The following RASAL3 variants were observed in gnomAD, a reference collection of about 807,000 sequenced individuals.
The protein encoded by RASAL3 is RAS protein activator like 3.
RASAL3 carries 74 observed loss-of-function variants against 105.5 expected under a neutral mutation model. The observed-to-expected ratio is 0.70, with a 90% confidence interval of 0.58 to 0.85. RASAL3 has a LOEUF of 0.85. Among genes scored for constraint, RASAL3 ranks in the 40% least tolerant of loss-of-function variants. The pLI, the probability that RASAL3 is intolerant of heterozygous loss-of-function variation, is 0.00. For synonymous variants in RASAL3, 579 were observed against 591.6 expected, an observed-to-expected ratio of 0.98 and a Z score of 0.31; for missense variants, 1,352 against 1,392.0, an observed-to-expected ratio of 0.97 and a Z score of 0.46.
intron 2 of RASAL3, among the ~76,000 whole-genome samples, chr19:15,463,795 T>G (rs1970583698): frequency 6.6e-6 from 1 of 151,704 alleles, no homozygotes; most frequent in Non-Finnish European, 1.5e-5. Context: ...TATCACGGGT[T>G]TACATTCACT....
rs1277547937 is a variant in RASAL3 at position 15,456,739 on chromosome 19, C to T, written c.1432-93G>A. ...TGGTCCCTCACACCAGAGGCACAGG[C>T]CCCGCCCCTTGTAGCTGATGCTTAG... On this transcript the variant is annotated intron_variant, in intron 9 of 17. Transcript: ENST00000343625. The surrounding 1 kb of genome is among the most constrained non-coding windows in gnomAD (Gnocchi z 4.4). 1.3e-5 allele frequency: 19 copies of T among 1,444,870 alleles called. No homozygotes were observed. The highest frequency in any genetic ancestry group is 1.8e-5 in the Non-Finnish European group (19 of 1,067,328). The allele number at this position is 1,444,870 out of a possible 1,614,324, so 89.5% of individuals were successfully genotyped here. A position where few individuals can be genotyped will look rare whatever the true frequency, so the allele number is the denominator to read the frequency against.
Position 15,457,913 on chromosome 19 carries a change from G to T in RASAL3, c.889-79C>A. On this transcript the variant is annotated intron_variant, in intron 8 of 17. Transcript: ENST00000343625. The surrounding 1 kb of genome is among the most constrained non-coding windows in gnomAD (Gnocchi z 8.6). ...GAAGGCACCGCAAGTGAAGCGTGGAGCCTCAAACCTGTTGCGTCGGGTCCC... is the reference window on the plus strand; with the variant it reads ...GAAGGCACCGCAAGTGAAGCGTGGATCCTCAAACCTGTTGCGTCGGGTCCC... 1 of 1,487,120 alleles carries T rather than the reference G, an allele frequency of 6.7e-7. No homozygotes were observed. The highest frequency in any genetic ancestry group is 9.1e-7 in the Non-Finnish European group (1 of 1,099,002). The allele number at this position is 1,487,120 out of a possible 1,614,324, so 92.1% of individuals were successfully genotyped here.
In RASAL3 at chr19:15,453,169, G is replaced by A. The variant is rs1453449008; in HGVS notation, c.2608C>T (p.Arg870Cys). ...LPRKPSVPWQ[R>C]QMDQPQDRNQ... ...CGGTCTTGCGGCTGGTCCATTTGGC[G>A]CTGCCAGGGTACCGACGGCTTCCGA... Residue 870 changes from arginine to cysteine, a missense_variant, in exon 15 of 18, where the codon CGC becomes TGC. Around this residue, in one of 3 missense-constraint regions of RASAL3, gnomAD observed 920 missense variants for 919.6 expected, o/e 1.00. Transcript: ENST00000343625. The surrounding 1 kb of genome is among the most constrained non-coding windows in gnomAD (Gnocchi z 4.2). The A allele has an allele frequency of 1.2e-6, 2 of 1,613,116 alleles. No homozygotes were observed. The highest frequency in any genetic ancestry group is 2.2e-5 in the South Asian group (2 of 91,042).
chr19:15,454,700 T>C lies in RASAL3; in HGVS notation c.1915A>G (p.Thr639Ala), dbSNP rs1208090297. The C allele has an allele frequency of 6.2e-7, 1 of 1,611,364 alleles. No homozygotes were observed. ...HPAPGPARTL[T>A]LIAKVIQNLA... ...TTCTGGATGACCTTGGCAATCAGTG[T>C]GAGGGTGCGGGCTGGGCCGGGTGCT... Residue 639 changes from threonine (T) to alanine (A), a missense_variant, in exon 12 of 18, where the codon ACA becomes GCA. This residue lies in a region of RASAL3 where 920 missense variants were observed against 919.6 expected (regional missense o/e 1.00). Transcript: ENST00000343625.
In RASAL3 at chr19:15,461,452, C is replaced by T. The variant is rs1970507157; in HGVS notation, c.465+19G>A. 1 of 1,545,012 alleles carries T rather than the reference C, an allele frequency of 6.5e-7. No individual in the cohort carries two copies. Among genetic ancestry groups the T allele is most frequent in the Non-Finnish European group, 8.7e-7 (1 of 1,143,052 alleles). ...TTTTCTTTCTTCCCTCCTCCCCTTT[C>T]CCAGGTGCCCCCTCTCACCTCCTCC... On this transcript the variant is annotated intron_variant, in intron 3 of 17. Transcript: ENST00000343625.
At position 15,454,492 on chromosome 19, in the gene RASAL3, A is replaced by G; in HGVS notation, c.2029T>C (p.Cys677Arg). 1.2e-6 allele frequency: 2 copies of G among 1,613,986 alleles called. No homozygotes were observed. The highest frequency in any genetic ancestry group is 1.7e-6 in the Non-Finnish European group (2 of 1,179,880). The change falls in exon 13 of 18, where the codon TGC becomes CGC. Residue 677 changes from cysteine to arginine, a missense_variant. Physicochemically the swap from Cys to Arg is radical, Grantham distance 180. This residue lies in a region of RASAL3 where 920 missense variants were observed against 919.6 expected (regional missense o/e 1.00). Transcript: ENST00000343625. Reference sequence around the variant, plus strand: ...ACCATGGCTACCTGGTCCAGGAAGCATTGCATGGCTGGTCCATGTTCCTCC... The same window carrying G: ...ACCATGGCTACCTGGTCCAGGAAGCGTTGCATGGCTGGTCCATGTTCCTCC... Reference protein sequence around the residue: ...FLEEHGPAMQCFLDQVAMVDV... With the variant: ...FLEEHGPAMQRFLDQVAMVDV...
At chr19:15,463,929 C>CT in intron 2 of RASAL3, 102 bp downstream of exon 2, 6 of 1,163,770 alleles carry the variant, frequency 5.2e-6, no homozygotes, top group Non-Finnish European at 7.1e-6. Flanking sequence ...TTGCACTCCC[C>CT]ACAACTTCCT....
At chr19:15,455,431 A>G (rs990198778) in intron 11 of RASAL3, among the ~76,000 whole-genome samples, 5 of 152,158 alleles carry the variant, frequency 3.3e-5, no homozygotes, top group African/African-American at 4.8e-5. Flanking sequence ...GCCAGGGATC[A>G]TGGACTTGGG....
At chr19:15,459,756 C>T (rs779784595) in intron 6 of RASAL3, among the ~76,000 whole-genome samples, 4 of 152,052 alleles carry the variant, frequency 2.6e-5, no homozygotes, top group African/African-American at 4.8e-5. Flanking sequence ...AGGCTGGTCT[C>T]GAACTCCTAG....
intron 17 of RASAL3, 42 bp from the exon 18 acceptor site, chr19:15,451,980 G>A: frequency 1.9e-6 from 3 of 1,613,606 alleles, no homozygotes; most frequent in South Asian, 2.2e-5. Flanking sequence ...CCAGGAGAGG[G>A]CTGCACCGCA....
At chr19:15,452,961 CTG>C in intron 15 of RASAL3, 144 bp downstream of exon 15, 1 of 1,472,746 alleles carries the variant, frequency 6.8e-7, no homozygotes, top group South Asian at 1.2e-5. Context: ...GCTGGGGAGA[CTG>C]AAGCTCAGAG....
intron 6 of RASAL3, among the ~76,000 whole-genome samples, chr19:15,459,604 C>T (rs1423520997): frequency 1.3e-5 from 2 of 152,040 alleles, no homozygotes; most frequent in East Asian, 1.9e-4. Flanking sequence ...GTGGCATGAT[C>T]TCTGTGCACT....
rs1970586595 is a variant in RASAL3 at position 15,463,895 on chromosome 19, C to T, written c.328+136G>A. On this transcript the variant is annotated intron_variant, in intron 2 of 17. Coordinates refer to ENST00000343625, the MANE Select transcript of RASAL3 (RefSeq NM_022904.3). ...GGAAAGAGGGAACAGGGTAGCTGGG[C>T]CCCAGCGGCTTCCTGCTGGGCTTTT... 2.7e-5 allele frequency: 21 copies of T among 776,682 alleles called. No individual in the cohort carries two copies. In the Admixed American group the frequency reaches 4.9e-4, roughly 18 times the overall value. 48.1% of individuals were successfully genotyped at this position (776,682 alleles called of 1,614,324 possible).
chr19:15,458,346 G>A lies in RASAL3; in HGVS notation c.870C>T (p.Arg290=). ...CAATGACCTGGGTGGGCTGGAATTG[G>A]CGACGAAGGTCCTCGATCCAGCGGT... ...ERDRWIEDLR[R]QFQPTQDNVE... The change falls in exon 8 of 18, where the codon CGC becomes CGT. Residue 290 remains arginine (R), a synonymous_variant. Transcript: ENST00000343625. 1.2e-6 allele frequency: 2 copies of A among 1,613,800 alleles called. No homozygotes were observed. The highest frequency in any genetic ancestry group is 1.1e-5 in the South Asian group (1 of 91,036).
chr19:15,452,038 A>G lies in RASAL3; in HGVS notation c.2892+7T>C, dbSNP rs1970167176. 2 of 1,613,946 alleles carry G rather than the reference A, an allele frequency of 1.2e-6. No homozygotes were observed. The highest frequency in any genetic ancestry group is 1.1e-5 in the South Asian group (1 of 91,088). On this transcript the variant is annotated splice_region_variant and intron_variant, in intron 17 of 17. Transcript: ENST00000343625. ...GACCTGCCCCAGGGCTCAGATGGCA[A>G]TCTCACCAGGTTTTTCAGACTGTGC...
Position 15,454,033 on chromosome 19 carries a change from G to A in RASAL3, c.2279+116C>T, listed in dbSNP as rs116657082. 4.1e-3 allele frequency: 3,059 copies of A among 738,970 alleles called. 77 individuals are homozygous for A. The African/African-American group carries it at 0.047, about 11-fold the overall frequency. The allele number at this position is 738,970 out of a possible 1,614,324, so 45.8% of individuals were successfully genotyped here. A position where few individuals can be genotyped will look rare whatever the true frequency, so the allele number is the denominator to read the frequency against. On this transcript the variant is annotated intron_variant, in intron 14 of 17. Transcript: ENST00000343625. ...ACCCTTTCTATAACCTGTGATTCCC[G>A]TCTGACCCTGGGCTTGACCTCTGCT...
Position 15,452,054 on chromosome 19 carries a change from CAG to C in RASAL3, c.2881_2882del (p.Leu961GlufsTer9). On this transcript the variant is annotated frameshift_variant, in exon 17 of 18. Coordinates refer to ENST00000343625, the MANE Select transcript of RASAL3 (RefSeq NM_022904.3). LOFTEE classifies it low-confidence loss of function (END_TRUNC). ...HNLTSNEGHS[L>X]KNLEHRLNEM... is the part of the protein sequence containing the mutation. ...CAGATGGCAATCTCACCAGGTTTTTCAGACTGTGCCCTTCATTGCTTGTTAGG... is the reference window on the plus strand; with the variant it reads ...CAGATGGCAATCTCACCAGGTTTTTCACTGTGCCCTTCATTGCTTGTTAGG... 6.2e-7 allele frequency: 1 copy of C among 1,613,962 alleles called. No homozygotes were observed. The highest frequency in any genetic ancestry group is 8.5e-7 in the Non-Finnish European group (1 of 1,179,870).
At chr19:15,462,905 C>T (rs1485986834) in intron 2 of RASAL3, among the ~76,000 whole-genome samples, 78 of 149,530 alleles carry the variant, frequency 5.2e-4, no homozygotes, top group Non-Finnish European at 9.1e-4. Flanking sequence ...GAGCCGAGAT[C>T]GCGCCACTGC....
intron 16 of RASAL3, chr19:15,452,314 T>G: frequency 3.3e-6 from 2 of 613,378 alleles, no homozygotes; most frequent in South Asian, 3.7e-5. Context: ...AATCATCCCT[T>G]GGAGGTGGGG....
Sources: allele counts gnomAD v4.1 joint callset (sites outside exome capture counted in the v4.1 genomes callset), GRCh38; gene constraint gnomAD v4.1.1; regional missense constraint gnomAD v4.1.1; non-coding constraint Gnocchi (gnomAD v3.1); transcripts MANE v1.5; gene names NCBI Gene and HGNC (gene_info 2026-07-23, HGNC 2026-07-21).